Variants in WASF3 observed in about 807,000 individuals in gnomAD.
WASF3 encodes actin-binding protein WASF3.
A neutral mutation model predicts 46.6 loss-of-function variants in WASF3; 11 were observed. That is an observed-to-expected ratio of 0.24 (90% confidence interval 0.15 to 0.39). WASF3 has a LOEUF of 0.39. Among genes scored for constraint, WASF3 ranks in the 10% least tolerant of loss-of-function variants. The probability of loss-of-function intolerance (pLI) is 1.00; values close to 1 mark genes in which losing one functional copy is unlikely to be tolerated. For missense variants in WASF3, 576 were observed against 669.8 expected (o/e 0.86, Z 1.55); for synonymous variants, 242 against 259.7 (o/e 0.93, Z 0.65).
chr13:26,661,758 C>T (rs558541719), intron 3 of WASF3, among the ~76,000 whole-genome samples: 156 of 152,346 alleles, frequency 1.0e-3, no homozygotes, highest in African/African-American at 3.7e-3. Flanking sequence ...CACATTCTTA[C>T]CAACACTTTT....
intron 3 of WASF3, among the ~76,000 whole-genome samples, chr13:26,660,776 G>A (rs1043811793): frequency 2.0e-5 from 3 of 152,144 alleles, no homozygotes; most frequent in South Asian, 2.1e-4. Flanking sequence ...GTCCAGTAGC[G>A]TCTTTGTGTG....
chr13:26,550,856 G>A, the WASF3 span, among the ~76,000 whole-genome samples: 1 of 152,178 alleles, frequency 6.6e-6, no homozygotes, highest in African/African-American at 2.4e-5. Context: ...CAGCCTGCAT[G>A]GGCCAATGTG....
At chr13:26,675,650 CTGTGTG>C (rs35156420) in intron 6 of WASF3, among the ~76,000 whole-genome samples, 2 of 146,980 alleles carry the variant, frequency 1.4e-5, no homozygotes, top group East Asian at 2.0e-4. Flanking sequence ...GATGCCATGT[CTGTGTG>C]TGTGTGTGTG....
intron 2 of WASF3, among the ~76,000 whole-genome samples, chr13:26,625,164 G>A (rs1006472038): frequency 7.2e-5 from 11 of 151,882 alleles, no homozygotes; most frequent in African/African-American, 2.2e-4. Context: ...GTTTATAAGA[G>A]GTAAAATATA....
rs905927902 is a variant in WASF3, at chr13:26,676,036, T to C, written c.541-513T>C. Among the ~76,000 whole-genome samples the C allele has an allele frequency of 2.6e-5, 4 of 152,222 alleles. No homozygotes were observed. The South Asian group carries it at 6.2e-4, about 24-fold the overall frequency. On this transcript the variant is annotated intron_variant, in intron 6 of 9. Transcript: ENST00000335327. ...ATGGTGCTTTTTATGAGCAGGTAAG[T>C]TTTTATCTTGCTTAATTTTGTGTTA...
At chr13:26,590,337 C>G (rs1186593922) in intron 1 of WASF3, among the ~76,000 whole-genome samples, 1 of 152,114 alleles carries the variant, frequency 6.6e-6, no homozygotes, top group African/African-American at 2.4e-5. Flanking sequence ...AAAAATGTAA[C>G]ATGGTATTTA....
intron 2 of WASF3, among the ~76,000 whole-genome samples, chr13:26,618,502 C>A (rs559883167): frequency 6.6e-6 from 1 of 151,464 alleles, no homozygotes; most frequent in African/African-American, 2.4e-5. Context: ...CTCCGCCCCC[C>A]CGTCTCTTTC....
chr13:26,551,866 A>G, the WASF3 span, among the ~76,000 whole-genome samples: 6 of 152,234 alleles, frequency 3.9e-5, no homozygotes, highest in Non-Finnish European at 7.4e-5. Context: ...CAGCATAGAG[A>G]TGCTATCAGA....
chr13:26,619,656 G>A (rs893622196), intron 2 of WASF3: 3 of 152,140 alleles, frequency 2.0e-5, no homozygotes, highest in Admixed American at 1.3e-4. Flanking sequence ...CAGCAACAAG[G>A]CAGTGTCAGG....
the WASF3 span, among the ~76,000 whole-genome samples, chr13:26,541,887 C>A: frequency 6.6e-6 from 1 of 152,312 alleles, no homozygotes; most frequent in African/African-American, 2.4e-5. Context: ...TCCTCCTAAT[C>A]CATCTGTCAC....
chr13:26,621,964 C>A (rs963639232), intron 2 of WASF3, among the ~76,000 whole-genome samples: 2 of 152,140 alleles, frequency 1.3e-5, no homozygotes, highest in African/African-American at 4.8e-5. Flanking sequence ...AGGGCTTGGG[C>A]CAGCATTGTG....
chr13:26,652,458 A>G (rs1463126363), intron 3 of WASF3, among the ~76,000 whole-genome samples: 1 of 152,210 alleles, frequency 6.6e-6, no homozygotes, highest in African/African-American at 2.4e-5. Flanking sequence ...TTGAAAGAAC[A>G]AGTGGACAGA....
At chr13:26,564,373 A>G (rs993369873) in intron 1 of WASF3, among the ~76,000 whole-genome samples, 1 of 152,162 alleles carries the variant, frequency 6.6e-6, no homozygotes, top group Non-Finnish European at 1.5e-5. Context: ...TTTTGCACTT[A>G]TTTCACTGTG....
intron 1 of WASF3, among the ~76,000 whole-genome samples, chr13:26,599,183 TC>T (rs1384579477): frequency 1.8e-5 from 2 of 112,022 alleles, no homozygotes; most frequent in Admixed American, 1.0e-4. Context: ...TCTTTTCATT[TC>T]TTTTTTTTTT....
At chr13:26,611,726 G>A (rs1184714871) in intron 1 of WASF3, among the ~76,000 whole-genome samples, 1 of 152,158 alleles carries the variant, frequency 6.6e-6, no homozygotes, top group Non-Finnish European at 1.5e-5. Context: ...TCAGCATCAA[G>A]AGCATGCAGT....
At chr13:26,551,226 A>G in the WASF3 span, among the ~76,000 whole-genome samples, 14 of 152,250 alleles carry the variant, frequency 9.2e-5, no homozygotes, top group East Asian at 1.9e-3. Context: ...CTTCCTGTTA[A>G]GCGTGCAGAA....
At chr13:26,632,203 A>G (rs1881672025) in intron 2 of WASF3, among the ~76,000 whole-genome samples, 2 of 152,164 alleles carry the variant, frequency 1.3e-5, no homozygotes, top group Admixed American at 1.3e-4. Context: ...AACTTCGAAT[A>G]CTATGTTGAA....
At chr13:26,601,155 A>G (rs747316260) in intron 1 of WASF3, among the ~76,000 whole-genome samples, 65 of 152,230 alleles carry the variant, frequency 4.3e-4, no homozygotes, top group Non-Finnish European at 9.3e-4. Context: ...GCAGATTGAT[A>G]AAAATGGTAC....
At chr13:26,653,637 CT>C (rs1882382837) in intron 3 of WASF3, among the ~76,000 whole-genome samples, 1 of 152,174 alleles carries the variant, frequency 6.6e-6, no homozygotes, top group Admixed American at 6.5e-5. Context: ...GGTGTTTTTC[CT>C]ACCTCCCAAG....
Sources: gnomAD v4.1 joint callset for allele counts (sites outside exome capture counted in the v4.1 genomes callset) on GRCh38, gnomAD v4.1.1 for gene constraint, MANE v1.5 for transcripts, NCBI Gene and HGNC (gene_info 2026-07-23, HGNC 2026-07-21) for gene names.